The following MTFR2 variants were observed in gnomAD, a reference collection of about 807,000 sequenced individuals.
The protein encoded by MTFR2 is mitochondrial fission regulator 2.
Under a neutral mutation model 41.2 loss-of-function variants are expected in MTFR2, and 44 were observed. The observed-to-expected ratio is 1.07, with a 90% confidence interval of 0.84 to 1.37. MTFR2 has a LOEUF of 1.37. Ranked by LOEUF, MTFR2 falls within the 40% of genes most tolerant of loss-of-function variation. The pLI is 0.00. For missense variants in MTFR2, 452 were observed against 459.5 expected, an observed-to-expected ratio of 0.98 and a Z score of 0.15; for synonymous variants, 141 against 154.6, an observed-to-expected ratio of 0.91 and a Z score of 0.65.
intron 1 of MTFR2, among the ~76,000 whole-genome samples, 153 bp from the exon 2 acceptor site, chr6:136,249,306 G>A (rs1484308234): frequency 6.6e-6 from 1 of 152,214 alleles, no homozygotes; most frequent in African/African-American, 2.4e-5. Context: ...GGAAGGGGAA[G>A]TCTGGGGGAA....
Position 136,242,954 on chromosome 6 carries a change from G to C in MTFR2, c.188C>G (p.Ser63Cys). 1.9e-6 allele frequency: 3 copies of C among 1,607,482 alleles called. No individual in the cohort carries two copies. Among genetic ancestry groups the C allele is most frequent in the Non-Finnish European group, 8.5e-7 (1 of 1,178,390 alleles). Residue 63 changes from serine to cysteine, a missense_variant, in exon 4 of 8, where the codon TCT (serine) becomes TGT (cysteine). Coordinates refer to ENST00000420702, the MANE Select transcript of MTFR2 (RefSeq NM_001099286.3). ...AGATCCACAATTATCAGAGTCTACA[G>C]AGTTCAAGAGCGGGATCAACTAAAG... ...PNFELIPLLN[S>C]VDSDNCGSMV...
At chr6:136,232,156 A>T (rs1014653533) in intron 7 of MTFR2, among the ~76,000 whole-genome samples, 5 of 152,180 alleles carry the variant, frequency 3.3e-5, no homozygotes, top group Admixed American at 2.6e-4. Context: ...TAAACATCAG[A>T]TATATACACA....
At chr6:136,234,819 G>A (rs1307716840) in intron 6 of MTFR2, among the ~76,000 whole-genome samples, 2 of 152,230 alleles carry the variant, frequency 1.3e-5, no homozygotes, top group Non-Finnish European at 2.9e-5. Flanking sequence ...AGGTCAAGAG[G>A]TCCACAGAAT....
intron 5 of MTFR2, among the ~76,000 whole-genome samples, chr6:136,240,970 A>G (rs1279307434): frequency 1.3e-5 from 2 of 152,102 alleles, no homozygotes; most frequent in African/African-American, 2.4e-5. Context: ...GGGCGCCTGT[A>G]GTCCCAGCTA....
In MTFR2 at chr6:136,239,754, A is replaced by G. The variant is rs2128457988; in HGVS notation, c.581T>C (p.Leu194Pro). 6.2e-7 allele frequency: 1 copy of G among 1,614,204 alleles called. No homozygotes were observed. Among genetic ancestry groups the G allele is most frequent in the Middle Eastern group, 1.6e-4 (1 of 6,062 alleles). Residue 194 changes from leucine to proline, a missense_variant, in exon 6 of 8, where the codon CTG (leucine) becomes CCG (proline). Coordinates refer to ENST00000420702, the MANE Select transcript of MTFR2 (RefSeq NM_001099286.3). ...GQLSSSRAAHLSVDPDQLPGS... is the reference protein window; with the variant it reads ...GQLSSSRAAHPSVDPDQLPGS... ...TGGAAGCTGATCTGGGTCCACACTC[A>G]GATGGGCAGCCCGCGATGATGACAG...
chr6:136,245,177 G>A (rs1318436265), intron 2 of MTFR2, among the ~76,000 whole-genome samples: 1 of 151,962 alleles, frequency 6.6e-6, no homozygotes, highest in Non-Finnish European at 1.5e-5. Context: ...AATACCTTGG[G>A]AGAAACTTTG....
intron 2 of MTFR2, 70 bp from the exon 3 acceptor site, chr6:136,244,939 G>T: frequency 1.7e-6 from 2 of 1,206,276 alleles, no homozygotes; most frequent in Non-Finnish European, 2.3e-6. Flanking sequence ...ATGAAAAAAG[G>T]AGATGTAAAA....
At chr6:136,244,049 G>A (rs1225044800) in intron 3 of MTFR2, among the ~76,000 whole-genome samples, 4 of 152,044 alleles carry the variant, frequency 2.6e-5, no homozygotes, top group African/African-American at 7.2e-5. Flanking sequence ...TTTAAGATAA[G>A]TATTATTACA....
At chr6:136,245,952 G>A (rs1315755969) in intron 2 of MTFR2, among the ~76,000 whole-genome samples, 1 of 152,078 alleles carries the variant, frequency 6.6e-6, no homozygotes, top group African/African-American at 2.4e-5. Flanking sequence ...GTGGCCAGTG[G>A]CTATCATACT....
intron 6 of MTFR2, among the ~76,000 whole-genome samples, chr6:136,235,254 G>GAAAGAACAGGTTTTCAAGGTGGCAGA (rs1779874366): frequency 1.3e-5 from 2 of 150,766 alleles, no homozygotes; most frequent in African/African-American, 5.0e-5. Context: ...AAAGACGTGG[G>GAAAGAACAGGTTTTCAAGGTGGCAGA]AAAGAACAGG....
intron 6 of MTFR2, among the ~76,000 whole-genome samples, chr6:136,237,431 C>T (rs1214740473): frequency 6.6e-6 from 1 of 152,206 alleles, no homozygotes; most frequent in African/African-American, 2.4e-5. Flanking sequence ...CAAACCTACA[C>T]TTTTAATACT....
chr6:136,239,500 C>T lies in MTFR2; in HGVS notation c.835G>A (p.Asp279Asn), dbSNP rs1779990500. The stretch of plus-strand genomic sequence containing the variant: ...GCACGAAGCTTAACCTTATTCATAT[C>T]CTTTAGAACGTCCAACATGTTTGGA... ...DIPNMLDVLK[D>N]MNKVKLRAIE... The change falls in exon 6 of 8, where the codon GAT (aspartate) becomes AAT (asparagine). Residue 279 changes from aspartate (D) to asparagine (N), a missense_variant. Coordinates refer to ENST00000420702, the MANE Select transcript of MTFR2 (RefSeq NM_001099286.3). 3 of 1,613,768 alleles carry T rather than the reference C, an allele frequency of 1.9e-6. No homozygotes were observed. In the African/African-American group the frequency reaches 4.0e-5, roughly 22 times the overall value.
chr6:136,233,135 G>A lies in MTFR2; in HGVS notation c.1044+190C>T, dbSNP rs543696253. ...AGTATTTTATTTCAAAAGAGCTCAT[G>A]ATAGGCTAAAAGTGAAAATGAGCAT... is the stretch of plus-strand genomic sequence containing the variant. On this transcript the variant is annotated intron_variant, in intron 7 of 7. Transcript: ENST00000420702. 319 of 454,910 alleles carry A rather than the reference G, an allele frequency of 7.0e-4. 1 individual carries two copies. The Middle Eastern group carries it at 0.02, about 29-fold the overall frequency. The allele number at this position is 454,910 out of a possible 1,614,324, so 28.2% of individuals were successfully genotyped here.
In MTFR2 at chr6:136,241,053, T is replaced by C. The variant is rs1184181913; in HGVS notation, c.514+391A>G. 2.0e-5 allele frequency among the ~76,000 whole-genome samples: 3 copies of C among 148,210 alleles called. No individual in the cohort carries two copies. In the South Asian group the frequency reaches 6.3e-4, roughly 31 times the overall value. On this transcript the variant is annotated intron_variant, in intron 5 of 7. Transcript: ENST00000420702. ...TTGCAGTGAGCCAAGATCGTGCCAC[T>C]GCACTCCAGCCTGGGCGACAGAGCA... is the stretch of plus-strand genomic sequence containing the variant.
intron 5 of MTFR2, among the ~76,000 whole-genome samples, chr6:136,240,937 A>C (rs1198137025): frequency 6.6e-6 from 1 of 152,094 alleles, no homozygotes; most frequent in Non-Finnish European, 1.5e-5. Flanking sequence ...TAAAAATACA[A>C]AAAATTAGCC....
At chr6:136,237,203 C>G (rs964000701) in intron 6 of MTFR2, among the ~76,000 whole-genome samples, 9 of 152,166 alleles carry the variant, frequency 5.9e-5, no homozygotes, top group African/African-American at 1.9e-4. Flanking sequence ...GTGTGGCCAA[C>G]AAAATGGTCC....
chr6:136,240,918 C>T (rs185426132), intron 5 of MTFR2, among the ~76,000 whole-genome samples: 168 of 147,332 alleles, frequency 1.1e-3, no homozygotes, highest in South Asian at 3.7e-3. Flanking sequence ...GGTGAAACCC[C>T]GTCTCTACTA....
intron 6 of MTFR2, among the ~76,000 whole-genome samples, chr6:136,236,106 A>G (rs1328192837): frequency 6.6e-6 from 1 of 152,216 alleles, no homozygotes; most frequent in Non-Finnish European, 1.5e-5. Context: ...CGATAGACAG[A>G]AACAAATTAT....
At position 136,250,283 on chromosome 6, in the gene MTFR2, G is replaced by A. The variant is rs564033812; in HGVS notation, c.-362C>T. On this transcript the variant is annotated 5_prime_UTR_variant, in exon 1 of 8. Transcript: ENST00000420702. ...ACCCACCTGCTAGTCCCTAGGACCGGACTGCTACTTCCGCATGACAGGACT... is the reference window on the plus strand; with the variant it reads ...ACCCACCTGCTAGTCCCTAGGACCGAACTGCTACTTCCGCATGACAGGACT... 8 of 152,510 alleles carry A rather than the reference G, an allele frequency of 5.2e-5. No homozygotes were observed. Among genetic ancestry groups the A allele is most frequent in the African/African-American group, 1.4e-4 (6 of 41,420 alleles). 9.4% of individuals were successfully genotyped at this position (152,510 alleles called of 1,614,324 possible). A position where few individuals can be genotyped will look rare whatever the true frequency, so the allele number is the denominator to read the frequency against.
Sources: gnomAD v4.1 joint callset for allele counts (sites outside exome capture counted in the v4.1 genomes callset) on GRCh38, gnomAD v4.1.1 for gene constraint, MANE v1.5 for transcripts, NCBI Gene and HGNC (gene_info 2026-07-23, HGNC 2026-07-21) for gene names.